Variants in PAAF1 observed in about 807,000 individuals in gnomAD.
PAAF1 encodes the protein proteasomal ATPase associated factor 1.
In PAAF1, 46 loss-of-function variants were observed where a neutral mutation model predicts 52.8. The observed-to-expected ratio is 0.87, with a 90% CI of 0.69 to 1.11. PAAF1 has a LOEUF of 1.11. PAAF1 is among the 50% of genes most tolerant of loss of function. PAAF1 has a pLI of 0.00. For missense variants in PAAF1, 424 were observed against 477.4 expected, an observed-to-expected ratio of 0.89 and a Z score of 1.04; for synonymous variants, 178 against 172.8, an observed-to-expected ratio of 1.03 and a Z score of -0.24.
At chr11:73,901,107 AAGG>A (rs1040204369) in intron 6 of PAAF1, among the ~76,000 whole-genome samples, 4 of 152,130 alleles carry the variant, frequency 2.6e-5, no homozygotes, top group African/African-American at 9.6e-5. Flanking sequence ...AGTGAGAGAA[AAGG>A]AGATGTGTCT....
intron 1 of PAAF1, among the ~76,000 whole-genome samples, chr11:73,877,768 C>A (rs1015616115): frequency 5.3e-5 from 8 of 152,184 alleles, no homozygotes; most frequent in African/African-American, 1.9e-4. Context: ...CGCCTATAAT[C>A]CCAGCTACTC....
rs1257427014 is a variant in PAAF1 at position 73,891,097 on chromosome 11, T to G, written c.193-15T>G. On this transcript the variant is annotated splice_polypyrimidine_tract_variant and intron_variant, in intron 3 of 11. Transcript: ENST00000310571. ...GAGTTTTACTGATGAATCTCATCTT[T>G]TCCTCTTTGTTTAGAAAAGCATTCA... 6.6e-7 allele frequency: 1 copy of G among 1,505,662 alleles called. No individual in the cohort carries two copies. Among genetic ancestry groups the G allele is most frequent in the Admixed American group, 1.7e-5 (1 of 57,594 alleles). 93.3% of individuals were successfully genotyped at this position (1,505,662 alleles called of 1,614,324 possible).
intron 6 of PAAF1, among the ~76,000 whole-genome samples, chr11:73,904,616 G>A (rs569043593): frequency 1.6e-4 from 25 of 152,246 alleles, no homozygotes; most frequent in African/African-American, 6.0e-4. Flanking sequence ...CCAAGTAATA[G>A]GAGGTGCTTC....
At chr11:73,891,030 C>T in intron 3 of PAAF1, 82 bp from the exon 4 acceptor site, 1 of 820,834 alleles carries the variant, frequency 1.2e-6, no homozygotes, top group South Asian at 1.5e-5. Context: ...TCCTGTAGTC[C>T]TAATGTTTTC....
chr11:73,909,713 C>G, intron 7 of PAAF1, 120 bp downstream of exon 7: 1 of 872,812 alleles, frequency 1.1e-6, no homozygotes, highest in East Asian at 2.6e-5. Context: ...TCTGTTTTCA[C>G]CATACGATTA....
Position 73,924,837 on chromosome 11 carries a change from A to C in PAAF1, c.1101+140A>C, listed in dbSNP as rs149124136. The stretch of plus-strand genomic sequence containing the variant: ...GTATAAGCAGTGTGGTAGGATGGCA[A>C]GAAATCAAGAGCTTAACTCAGAAGT... On this transcript the variant is annotated intron_variant, in intron 11 of 11. Transcript: ENST00000310571. 429 of 637,822 alleles carry C rather than the reference A, an allele frequency of 6.7e-4. 4 individuals carry two copies. In the East Asian group the frequency reaches 0.012, roughly 17 times the overall value. 39.5% of individuals were successfully genotyped at this position (637,822 alleles called of 1,614,324 possible).
intron 4 of PAAF1, among the ~76,000 whole-genome samples, chr11:73,897,840 G>A (rs1342090484): frequency 6.6e-6 from 1 of 151,768 alleles, no homozygotes; most frequent in Non-Finnish European, 1.5e-5. Flanking sequence ...CTGCTGGGAG[G>A]TGGAGGTTGT....
chr11:73,921,651 T>A, intron 10 of PAAF1: 1 of 708,050 alleles, frequency 1.4e-6, no homozygotes, highest in Non-Finnish European at 2.6e-6. Context: ...CTGCCCGTGC[T>A]CCTTTCACTG....
chr11:73,921,908 T>C lies in PAAF1; in HGVS notation c.1019-2707T>C, dbSNP rs77296683. 4.3e-3 allele frequency: 4,752 copies of C among 1,112,288 alleles called. 142 individuals carry two copies. The African/African-American group carries it at 0.064, about 15-fold the overall frequency. 68.9% of individuals were successfully genotyped at this position (1,112,288 alleles called of 1,614,324 possible). On this transcript the variant is annotated intron_variant, in intron 10 of 11. Coordinates refer to ENST00000310571, the MANE Select transcript of PAAF1 (RefSeq NM_025155.3). ...AAGTTAGTGATTCCCAGTGTATACATTTCTTTCTCACCTTGGCTTTTGGAA... is the reference window on the plus strand; with the variant it reads ...AAGTTAGTGATTCCCAGTGTATACACTTCTTTCTCACCTTGGCTTTTGGAA...
intron 11 of PAAF1, among the ~76,000 whole-genome samples, chr11:73,926,294 C>T (rs1365996302): frequency 1.3e-5 from 2 of 152,120 alleles, no homozygotes; most frequent in South Asian, 2.1e-4. Context: ...TTAGTAGAGA[C>T]GAGGTTTCTC....
chr11:73,909,342 GC>G, intron 6 of PAAF1, 56 bp from the exon 7 acceptor site: 1 of 1,518,352 alleles, frequency 6.6e-7, no homozygotes, highest in Non-Finnish European at 9.1e-7. Context: ...CATCTTCTCT[GC>G]CCTTGTAGTT....
intron 2 of PAAF1, among the ~76,000 whole-genome samples, chr11:73,886,138 ATC>A (rs1179282995): frequency 6.6e-6 from 1 of 152,210 alleles, no homozygotes; most frequent in African/African-American, 2.4e-5. Context: ...CTTAGCCCAT[ATC>A]TCTGCAAAAT....
intron 6 of PAAF1, among the ~76,000 whole-genome samples, chr11:73,905,500 G>T (rs937009584): frequency 6.6e-6 from 1 of 152,068 alleles, no homozygotes; most frequent in Non-Finnish European, 1.5e-5. Context: ...GGGATTACAG[G>T]CATGAGCTAC....
At chr11:73,920,586 C>T (rs1399154167) in intron 10 of PAAF1, among the ~76,000 whole-genome samples, 1 of 152,070 alleles carries the variant, frequency 6.6e-6, no homozygotes, top group Non-Finnish European at 1.5e-5. Flanking sequence ...GGCGTGGTGG[C>T]TCACACCTGT....
chr11:73,899,024 G>A (rs559228724), intron 4 of PAAF1, 122 bp from the exon 5 acceptor site: 1 of 701,382 alleles, frequency 1.4e-6, no homozygotes, highest in Non-Finnish European at 2.3e-6. Flanking sequence ...AAGTCCTTTT[G>A]TTGGGAAACA....
chr11:73,897,872 T>C (rs958875129), intron 4 of PAAF1, among the ~76,000 whole-genome samples: 2 of 114,400 alleles, frequency 1.7e-5, no homozygotes, highest in African/African-American at 9.1e-5. Context: ...ATCACACCAC[T>C]GCACTCCAGC....
intron 2 of PAAF1, among the ~76,000 whole-genome samples, chr11:73,881,816 C>A (rs956523650): frequency 6.6e-6 from 1 of 151,962 alleles, no homozygotes; most frequent in Non-Finnish European, 1.5e-5. Flanking sequence ...AAGCAATTCT[C>A]CAGCCTCAGC....
chr11:73,892,985 T>A (rs1949239423), intron 4 of PAAF1, among the ~76,000 whole-genome samples: 2 of 152,176 alleles, frequency 1.3e-5, no homozygotes, highest in Admixed American at 1.3e-4. Context: ...ATTACTTAAT[T>A]ATATGTCCAT....
rs1341253198 is a variant in PAAF1 at position 73,927,346 on chromosome 11, A to T, written c.1163A>T (p.Gln388Leu). 2.5e-6 allele frequency: 4 copies of T among 1,613,932 alleles called. No individual in the cohort carries two copies. The highest frequency in any genetic ancestry group is 3.4e-6 in the Non-Finnish European group (4 of 1,179,968). Residue 388 changes from glutamine (Q) to leucine (L), a missense_variant, in exon 12 of 12, where the codon CAG becomes CTG. Transcript: ENST00000310571. ...CGAGACGGTCTTGTACGACGCTACC[A>T]GCTTTCTGACCTCTGACTTCTTGGA... The part of the protein sequence containing the change: ...CCRDGLVRRY[Q>L]LSDL
Sources: gnomAD v4.1 joint callset for allele counts (sites outside exome capture counted in the v4.1 genomes callset) on GRCh38, gnomAD v4.1.1 for gene constraint, MANE v1.5 for transcripts, NCBI Gene and HGNC (gene_info 2026-07-23, HGNC 2026-07-21) for gene names.